The following TMEM248 variants were observed in gnomAD, a reference collection of about 807,000 sequenced individuals.
The protein encoded by TMEM248 is UPF0458 protein C7orf42.
Under a neutral mutation model 30.3 loss-of-function variants are expected in TMEM248, and 9 were observed. The ratio of observed to expected loss-of-function variants is 0.30; its 90% confidence interval spans 0.18 to 0.52. The LOEUF is 0.52. Ranked by LOEUF, TMEM248 falls within the 20% of genes least tolerant of loss-of-function variation. TMEM248 has a pLI of 0.97. For missense variants in TMEM248, 338 were observed against 403.3 expected (o/e 0.84, Z 1.39); for synonymous variants, 184 against 154.4 (o/e 1.19, Z -1.42).
intron 1 of TMEM248, among the ~76,000 whole-genome samples, chr7:66,926,301 G>A (rs1380236719): frequency 6.6e-6 from 1 of 152,146 alleles, no homozygotes; most frequent in Non-Finnish European, 1.5e-5. Context: ...AAACAACTCA[G>A]TAGCAAGAAA....
At chr7:66,952,271 G>A (rs970942228) in intron 5 of TMEM248, among the ~76,000 whole-genome samples, 1 of 152,018 alleles carries the variant, frequency 6.6e-6, no homozygotes, top group Non-Finnish European at 1.5e-5. Flanking sequence ...ATAAGGTTTC[G>A]ACATGTTGGC....
chr7:66,946,743 A>G (rs536642396), intron 3 of TMEM248, among the ~76,000 whole-genome samples: 2 of 152,308 alleles, frequency 1.3e-5, no homozygotes, highest in South Asian at 4.1e-4. Context: ...AAAAATACAT[A>G]CTTATAAAAT....
chr7:66,925,039 C>T (rs999163064), intron 1 of TMEM248, among the ~76,000 whole-genome samples: 3 of 151,962 alleles, frequency 2.0e-5, no homozygotes, highest in Admixed American at 6.6e-5. Context: ...ATAATTATTA[C>T]GGGACAGAGT....
chr7:66,935,999 C>G (rs1429956217), intron 1 of TMEM248, among the ~76,000 whole-genome samples: 1 of 152,124 alleles, frequency 6.6e-6, no homozygotes, highest in Non-Finnish European at 1.5e-5. Context: ...AAGATCATAC[C>G]ATCTGCAAAC....
chr7:66,922,580 A>T (rs1052992659), intron 1 of TMEM248, among the ~76,000 whole-genome samples: 3 of 152,102 alleles, frequency 2.0e-5, no homozygotes, highest in African/African-American at 7.2e-5. Context: ...CTGTGGCCTG[A>T]ATCAGGTGGA....
chr7:66,933,138 G>A lies in TMEM248; in HGVS notation c.-18-8710G>A, dbSNP rs188119198. Among the ~76,000 whole-genome samples, 22 of 152,330 alleles carry A rather than the reference G, an allele frequency of 1.4e-4. No homozygotes were observed. In the East Asian group the frequency reaches 2.9e-3, roughly 20 times the overall value. On this transcript the variant is annotated intron_variant, in intron 1 of 6. Transcript: ENST00000341567. ...ACCTCCCAAAGTGCTGGGATTACAG[G>A]CGTGAGCCACTGTGCCTAGCTCCCG...
At chr7:66,939,676 A>G (rs1056129513) in intron 1 of TMEM248, among the ~76,000 whole-genome samples, 2 of 152,252 alleles carry the variant, frequency 1.3e-5, no homozygotes, top group Admixed American at 6.5e-5. Flanking sequence ...CTGGGCTCAT[A>G]AATGAGGGAT....
chr7:66,944,898 T>C (rs968263712), intron 2 of TMEM248, 78 bp from the exon 3 acceptor site: 18 of 1,500,474 alleles, frequency 1.2e-5, no homozygotes, highest in Non-Finnish European at 1.5e-5. Context: ...GGTGCCACAC[T>C]GGGGTCTTAC....
At chr7:66,951,212 T>C in intron 5 of TMEM248, 77 bp downstream of exon 5, 2 of 1,379,704 alleles carry the variant, frequency 1.4e-6, no homozygotes, top group South Asian at 1.8e-5. Flanking sequence ...CAACCGTTGG[T>C]GTAGGCCCTG....
At chr7:66,949,142 A>T (rs887533381) in intron 4 of TMEM248, among the ~76,000 whole-genome samples, 9 of 135,844 alleles carry the variant, frequency 6.6e-5, no homozygotes, top group African/African-American at 1.3e-4. Context: ...GTCTCTATTT[A>T]AAAAAAAAAA....
chr7:66,927,512 C>T (rs550506142), intron 1 of TMEM248, among the ~76,000 whole-genome samples: 7 of 151,624 alleles, frequency 4.6e-5, no homozygotes, highest in Admixed American at 3.3e-4. Flanking sequence ...ATAGCCGTGG[C>T]TCACAGTAGC....
chr7:66,922,994 C>T (rs1167405302), intron 1 of TMEM248, among the ~76,000 whole-genome samples: 1 of 152,078 alleles, frequency 6.6e-6, no homozygotes, highest in Non-Finnish European at 1.5e-5. Context: ...GCGTGAACCA[C>T]CCGCACCTGG....
intron 1 of TMEM248, among the ~76,000 whole-genome samples, chr7:66,925,337 A>G (rs185808793): frequency 1.2e-4 from 18 of 152,328 alleles, no homozygotes; most frequent in Admixed American, 1.1e-3. Context: ...AACTATATTT[A>G]CCACACTGTG....
intron 1 of TMEM248, among the ~76,000 whole-genome samples, chr7:66,933,423 T>G (rs1167612438): frequency 2.6e-5 from 4 of 152,250 alleles, no homozygotes; most frequent in Non-Finnish European, 5.9e-5. Context: ...TTTTCCATTT[T>G]TTAACAATTG....
chr7:66,955,293 C>T (rs900778410), intron 6 of TMEM248, among the ~76,000 whole-genome samples: 2 of 152,154 alleles, frequency 1.3e-5, no homozygotes, highest in African/African-American at 4.8e-5. Flanking sequence ...ATTCTGTCTC[C>T]GCACAGTGGT....
intron 1 of TMEM248, among the ~76,000 whole-genome samples, chr7:66,931,319 AAAG>A (rs1791659743): frequency 3.3e-5 from 5 of 150,144 alleles, no homozygotes; most frequent in African/African-American, 4.9e-5. Context: ...AAAAAAAAAA[AAAG>A]AACAGTTTAA....
chr7:66,939,031 G>A (rs188504360), intron 1 of TMEM248, among the ~76,000 whole-genome samples: 83 of 152,302 alleles, frequency 5.4e-4, no homozygotes, highest in African/African-American at 1.8e-3. Context: ...TTAAAAAAGC[G>A]GAAAGATGCT....
chr7:66,925,882 C>G (rs185472655), intron 1 of TMEM248, among the ~76,000 whole-genome samples: 2,644 of 151,736 alleles, frequency 0.017, 28 homozygotes, highest in Middle Eastern at 0.037. Context: ...ACCTCATAAT[C>G]CACCCGCCTC....
At chr7:66,938,392 T>A (rs1319264402) in intron 1 of TMEM248, among the ~76,000 whole-genome samples, 1 of 152,236 alleles carries the variant, frequency 6.6e-6, no homozygotes, top group East Asian at 1.9e-4. Context: ...AGGGTTGTTG[T>A]TCAAATCAGT....
Sources: gnomAD v4.1 joint callset for allele counts (sites outside exome capture counted in the v4.1 genomes callset) on GRCh38, gnomAD v4.1.1 for gene constraint, MANE v1.5 for transcripts, NCBI Gene and HGNC (gene_info 2026-07-23, HGNC 2026-07-21) for gene names.